SSBP2: variants seen among roughly 807,000 people sequenced by gnomAD.
The protein encoded by SSBP2 is single-stranded DNA-binding protein 2.
Under a neutral mutation model 61.8 loss-of-function variants are expected in SSBP2, and 17 were observed. The ratio of observed to expected loss-of-function variants is 0.28; its 90% CI spans 0.19 to 0.41. The LOEUF (loss-of-function observed/expected upper bound fraction) is 0.41. SSBP2 is among the 10% of genes least tolerant of loss of function. The pLI is 1.00. For synonymous variants in SSBP2, 139 were observed against 141.3 expected, an observed-to-expected ratio of 0.98 and a Z score of 0.12; for missense variants, 310 against 458.7, an observed-to-expected ratio of 0.68 and a Z score of 2.96.
intron 16 of SSBP2, among the ~76,000 whole-genome samples, chr5:81,424,373 A>G (rs1490799299): frequency 6.6e-6 from 1 of 152,126 alleles, no homozygotes; most frequent in African/African-American, 2.4e-5. Flanking sequence ...GCAGTGAGCC[A>G]AGATCGCACC....
intron 12 of SSBP2, among the ~76,000 whole-genome samples, chr5:81,445,135 A>T (rs1763291850): frequency 4.6e-5 from 2 of 43,806 alleles, no homozygotes; most frequent in East Asian, 1.1e-3. Flanking sequence ...GAAAAAAAAA[A>T]TTTTATATAT....
At chr5:81,517,180 T>C (rs1209634648) in intron 4 of SSBP2, among the ~76,000 whole-genome samples, 1 of 152,026 alleles carries the variant, frequency 6.6e-6, no homozygotes, top group Non-Finnish European at 1.5e-5. Context: ...ACAAATAATA[T>C]GGGTTTACAG....
chr5:81,440,746 T>C (rs1762977149), intron 13 of SSBP2, 110 bp from the exon 14 acceptor site: 1 of 739,528 alleles, frequency 1.4e-6, no homozygotes, highest in Non-Finnish European at 2.1e-6. Context: ...ATTTTTACTT[T>C]CAAGCTATGG....
intron 15 of SSBP2, among the ~76,000 whole-genome samples, chr5:81,437,167 A>G: frequency 6.6e-6 from 1 of 151,382 alleles, no homozygotes; most frequent in South Asian, 2.3e-4. Flanking sequence ...TAAATTTGTT[A>G]TTACTTGGGT....
Position 81,487,366 on chromosome 5 carries a change from T to G in SSBP2, c.432+1884A>C, listed in dbSNP as rs1300099926. Among the ~76,000 whole-genome samples, 3 of 152,144 alleles carry G rather than the reference T, an allele frequency of 2.0e-5. No individual in the cohort carries two copies. In the East Asian group the frequency reaches 5.8e-4, roughly 29 times the overall value. On this transcript the variant is annotated intron_variant, in intron 6 of 16. Transcript: ENST00000320672. ...ACTTATGATATTAATAAAAAGCTAT[T>G]TGAGAACAAAACATGAAATTTTAGA...
intron 1 of SSBP2, among the ~76,000 whole-genome samples, chr5:81,664,426 T>G (rs1416295128): frequency 6.6e-6 from 1 of 151,890 alleles, no homozygotes; most frequent in African/African-American, 2.4e-5. Flanking sequence ...CACCGCACCC[T>G]TTTTGGTCTT....
In SSBP2 at chr5:81,474,500, T is replaced by C; in HGVS notation, c.495A>G (p.Gln165=). 6.2e-7 allele frequency: 1 copy of C among 1,612,420 alleles called. No individual in the cohort carries two copies. The highest frequency in any genetic ancestry group is 8.5e-7 in the Non-Finnish European group (1 of 1,178,924). Residue 165 remains glutamine, a synonymous_variant, in exon 7 of 17, where the codon CAA becomes CAG. Coordinates refer to ENST00000320672, the MANE Select transcript of SSBP2 (RefSeq NM_012446.5). ...CTTTTACTTTAGAGTAGTCACCTTG[T>C]TGTCGAGTTGGATCCATTCCACTGG...
At chr5:81,743,246 C>T (rs1179297421) in intron 1 of SSBP2, among the ~76,000 whole-genome samples, 2 of 152,150 alleles carry the variant, frequency 1.3e-5, no homozygotes, top group African/African-American at 4.8e-5. Context: ...TTTAACATAT[C>T]CTTGAGCAAT....
chr5:81,694,751 G>A (rs1753475962), intron 1 of SSBP2, among the ~76,000 whole-genome samples: 1 of 152,076 alleles, frequency 6.6e-6, no homozygotes, highest in Non-Finnish European at 1.5e-5. Context: ...AAGGTGGAGG[G>A]ATCACTTGAA....
intron 4 of SSBP2, among the ~76,000 whole-genome samples, chr5:81,519,953 A>T (rs1769334200): frequency 6.7e-6 from 1 of 150,152 alleles, no homozygotes; most frequent in Non-Finnish European, 1.5e-5. Context: ...TTTATTTTCA[A>T]ACATCTTAAT....
intron 1 of SSBP2, among the ~76,000 whole-genome samples, chr5:81,742,942 T>C (rs898460330): frequency 4.6e-5 from 7 of 152,102 alleles, no homozygotes; most frequent in Admixed American, 2.6e-4. Flanking sequence ...AAAAGTCTGC[T>C]ATGAGAGTAT....
At chr5:81,647,805 CAA>C (rs1250735195) in intron 2 of SSBP2, among the ~76,000 whole-genome samples, 8 of 152,042 alleles carry the variant, frequency 5.3e-5, no homozygotes, top group African/African-American at 1.9e-4. Context: ...TCATTTCCAC[CAA>C]ACAGTCCTAG....
At chr5:81,695,676 T>G (rs1753550821) in intron 1 of SSBP2, among the ~76,000 whole-genome samples, 1 of 152,124 alleles carries the variant, frequency 6.6e-6, no homozygotes, top group Non-Finnish European at 1.5e-5. Context: ...AACTTAGATA[T>G]TACTAATGTC....
chr5:81,563,957 A>G (rs151104219), intron 4 of SSBP2, among the ~76,000 whole-genome samples: 2,097 of 152,318 alleles, frequency 0.014, 31 homozygotes, highest in South Asian at 0.076. Flanking sequence ...ATGGAATGGA[A>G]GAAAATATTT....
intron 1 of SSBP2, among the ~76,000 whole-genome samples, chr5:81,677,811 T>C (rs1301375733): frequency 5.3e-5 from 8 of 150,288 alleles, no homozygotes; most frequent in South Asian, 2.1e-4. Context: ...TCCAGACATC[T>C]TGTCCCACCT....
intron 1 of SSBP2, chr5:81,710,643 C>T (rs1431018037): frequency 4.4e-6 from 2 of 450,828 alleles, no homozygotes; most frequent in Non-Finnish European, 4.4e-6. Flanking sequence ...AAATAGGAAA[C>T]TAAAAAGCAC....
chr5:81,547,803 A>G (rs1253211753), intron 4 of SSBP2, among the ~76,000 whole-genome samples: 4 of 152,168 alleles, frequency 2.6e-5, no homozygotes, highest in Non-Finnish European at 5.9e-5. Context: ...TACTAAGTGA[A>G]GGAAACCAAT....
chr5:81,466,252 G>C (rs775375139), intron 9 of SSBP2, among the ~76,000 whole-genome samples: 4 of 151,962 alleles, frequency 2.6e-5, no homozygotes, highest in African/African-American at 7.2e-5. Flanking sequence ...AAGACTTGGA[G>C]GGCAAGCTGG....
chr5:81,723,109 A>T (rs186735713), intron 1 of SSBP2, among the ~76,000 whole-genome samples: 88 of 152,126 alleles, frequency 5.8e-4, no homozygotes, highest in African/African-American at 2.0e-3. Context: ...AATTAAGACA[A>T]ATCTCTTTTA....
Sources: gnomAD v4.1 joint callset for allele counts (sites outside exome capture counted in the v4.1 genomes callset) on GRCh38, gnomAD v4.1.1 for gene constraint, MANE v1.5 for transcripts, NCBI Gene and HGNC (gene_info 2026-07-23, HGNC 2026-07-21) for gene names.